Variants in MTMR9 observed in about 807,000 individuals in gnomAD.
The protein encoded by MTMR9 is myotubularin related protein 9.
Under a neutral mutation model 69.5 loss-of-function variants are expected in MTMR9, and 39 were observed. The observed-to-expected ratio is 0.56, with a 90% CI of 0.43 to 0.73. MTMR9 has a LOEUF of 0.73. Ranked by LOEUF, MTMR9 falls within the 30% of genes least tolerant of loss-of-function variation. The pLI is 0.00. For synonymous variants in MTMR9, 354 were observed against 240.8 expected, an observed-to-expected ratio of 1.47 and a Z score of -4.35; for missense variants, 900 against 671.2, an observed-to-expected ratio of 1.34 and a Z score of -3.77.
At chr8:11,314,393 C>T (rs1410510791) in intron 6 of MTMR9, among the ~76,000 whole-genome samples, 1 of 151,698 alleles carries the variant, frequency 6.6e-6, no homozygotes, top group African/African-American at 2.4e-5. Flanking sequence ...GTTTTTTTTC[C>T]TGTTGTCGTG....
chr8:11,287,720 T>C (rs1266015383), intron 1 of MTMR9, among the ~76,000 whole-genome samples: 2 of 130,782 alleles, frequency 1.5e-5, no homozygotes, highest in Non-Finnish European at 3.1e-5. Context: ...TATTATAATA[T>C]ATATTATATA....
chr8:11,330,927 AAGAAAGAAAG>A (rs1161409794), downstream of MTMR9: 6 of 399,256 alleles, frequency 1.5e-5, no homozygotes, highest in Non-Finnish European at 2.0e-5. Flanking sequence ...AAAAAAAAAA[AAGAAAGAAAG>A]AAAGAAAGAA....
chr8:11,286,981 G>A (rs1563262099), intron 1 of MTMR9, among the ~76,000 whole-genome samples: 1 of 152,062 alleles, frequency 6.6e-6, no homozygotes, highest in East Asian at 1.9e-4. Flanking sequence ...TGTTCTGGAC[G>A]TTTTGTTAGG....
Position 11,328,010 on chromosome 8 carries a change from G to A in MTMR9, c.*5222G>A, listed in dbSNP as rs1250022291. 2 of 152,208 alleles carry A rather than the reference G, an allele frequency of 1.3e-5. No individual in the cohort carries two copies. Among genetic ancestry groups the A allele is most frequent in the Non-Finnish European group, 2.9e-5 (2 of 68,040 alleles). 9.4% of individuals were successfully genotyped at this position (152,208 alleles called of 1,614,324 possible). A position where few individuals can be genotyped will look rare whatever the true frequency, so the allele number is the denominator to read the frequency against. ...GAATCAAGAAAGAGTCTTGTCGAAT[G>A]TGGTACTGTTCTTAGTGTGTAATAT... On this transcript the variant is annotated 3_prime_UTR_variant, in exon 10 of 10. Transcript: ENST00000221086.
At chr8:11,285,810 G>A (rs1213165835) in intron 1 of MTMR9, among the ~76,000 whole-genome samples, 1 of 152,122 alleles carries the variant, frequency 6.6e-6, no homozygotes, top group Non-Finnish European at 1.5e-5. Flanking sequence ...AGCCAGGAGA[G>A]GGCAAACTGA....
chr8:11,286,162 C>T (rs1008049812), intron 1 of MTMR9, among the ~76,000 whole-genome samples: 2 of 151,612 alleles, frequency 1.3e-5, no homozygotes, highest in South Asian at 2.1e-4. Context: ...CCATATTGAC[C>T]AGGCTGGTCT....
intron 1 of MTMR9, among the ~76,000 whole-genome samples, chr8:11,288,248 ATAT>A (rs913779529): frequency 3.7e-5 from 5 of 136,888 alleles, no homozygotes; most frequent in Non-Finnish European, 6.1e-5. Flanking sequence ...AATAATAATT[ATAT>A]TATAATAATT....
the MTMR9 span, among the ~76,000 whole-genome samples, chr8:11,335,153 A>T: frequency 6.6e-6 from 1 of 152,216 alleles, no homozygotes; most frequent in Non-Finnish European, 1.5e-5. Context: ...AGATGATATG[A>T]TTTTCTATGT....
At chr8:11,299,939 T>C in intron 2 of MTMR9, 84 bp from the exon 3 acceptor site, 1 of 1,482,382 alleles carries the variant, frequency 6.7e-7, no homozygotes, top group African/African-American at 1.4e-5. Context: ...TTAGACCATG[T>C]TTGCTTAATA....
chr8:11,329,934 G>A (rs550643142), downstream of MTMR9, among the ~76,000 whole-genome samples: 48 of 151,160 alleles, frequency 3.2e-4, no homozygotes, highest in East Asian at 8.1e-3. Flanking sequence ...CTGCGACCCC[G>A]TCTGGGAGGT....
rs1325123355 is a variant in MTMR9, at chr8:11,324,271, C to G, written c.*1483C>G. On this transcript the variant is annotated 3_prime_UTR_variant, in exon 10 of 10. Coordinates refer to ENST00000221086, the MANE Select transcript of MTMR9 (RefSeq NM_015458.4). ...GAAAATGGCAAATACTTTTCATCACCAATTGCCCAATTCATCTTTCTTCTG... is the reference window on the plus strand; with the variant it reads ...GAAAATGGCAAATACTTTTCATCACGAATTGCCCAATTCATCTTTCTTCTG... 6.6e-6 allele frequency: 1 copy of G among 152,156 alleles called. No individual in the cohort carries two copies. The highest frequency in any genetic ancestry group is 1.9e-4 in the East Asian group (1 of 5,200). The allele number at this position is 152,156 out of a possible 1,614,324, so 9.4% of individuals were successfully genotyped here. A position where few individuals can be genotyped will look rare whatever the true frequency, so the allele number is the denominator to read the frequency against.
intron 5 of MTMR9, among the ~76,000 whole-genome samples, chr8:11,308,419 C>G (rs916937970): frequency 6.6e-6 from 1 of 152,164 alleles, no homozygotes; most frequent in Non-Finnish European, 1.5e-5. Context: ...CAGTGCCAAG[C>G]TGTTTTGATT....
At chr8:11,331,430 C>G (rs542010230), downstream of MTMR9, 2 of 1,614,026 alleles carry the variant, frequency 1.2e-6, no homozygotes, top group African/African-American at 2.7e-5. Flanking sequence ...GCTTCTGTGC[C>G]CTGCTCAACG....
intron 6 of MTMR9, among the ~76,000 whole-genome samples, chr8:11,312,293 T>C (rs1393088601): frequency 6.6e-6 from 1 of 152,052 alleles, no homozygotes; most frequent in Non-Finnish European, 1.5e-5. Context: ...CAAACAATCC[T>C]CCTGCCTCAG....
the MTMR9 span, among the ~76,000 whole-genome samples, chr8:11,337,034 C>T: frequency 1.9e-4 from 29 of 152,204 alleles, no homozygotes; most frequent in African/African-American, 6.3e-4. Context: ...CAGAAGGGGG[C>T]GTTGTTTTGC....
At chr8:11,334,280 C>G in the MTMR9 span, among the ~76,000 whole-genome samples, 3 of 152,156 alleles carry the variant, frequency 2.0e-5, no homozygotes, top group African/African-American at 4.8e-5. Context: ...TGGCTTGTAA[C>G]TCCACTTTTT....
chr8:11,289,192 A>G (rs555259075), intron 1 of MTMR9, among the ~76,000 whole-genome samples: 14 of 152,176 alleles, frequency 9.2e-5, no homozygotes, highest in African/African-American at 3.4e-4. Context: ...AAACAAACAA[A>G]CAAAAAACAG....
downstream of MTMR9, among the ~76,000 whole-genome samples, chr8:11,332,506 G>C (rs927617601): frequency 5.9e-5 from 9 of 151,828 alleles, no homozygotes; most frequent in African/African-American, 2.2e-4. Context: ...AAAAATTATA[G>C]AAAGGAACCA....
the MTMR9 span, among the ~76,000 whole-genome samples, chr8:11,336,214 G>C: frequency 1.3e-5 from 2 of 152,184 alleles, no homozygotes; most frequent in African/African-American, 4.8e-5. Flanking sequence ...GTCAGCAGTG[G>C]CAGTAGCCAG....
Sources: gnomAD v4.1 joint callset for allele counts (sites outside exome capture counted in the v4.1 genomes callset) on GRCh38, gnomAD v4.1.1 for gene constraint, MANE v1.5 for transcripts, NCBI Gene and HGNC (gene_info 2026-07-23, HGNC 2026-07-21) for gene names.